Variants in PTPRM observed in about 807,000 individuals in gnomAD.
The protein encoded by PTPRM is protein tyrosine phosphatase receptor type M, also known as receptor-type tyrosine-protein phosphatase mu.
Under a neutral mutation model 186.7 loss-of-function variants are expected in PTPRM, and 47 were observed. The observed-to-expected ratio is 0.25, with a 90% confidence interval of 0.20 to 0.32. PTPRM has a LOEUF of 0.32. PTPRM is among the 10% of genes least tolerant of loss of function. PTPRM has a pLI of 1.00. For synonymous variants in PTPRM, 668 were observed against 674.9 expected, an observed-to-expected ratio of 0.99 and a Z score of 0.16; for missense variants, 1,494 against 1,865.0, an observed-to-expected ratio of 0.80 and a Z score of 3.66.
At chr18:8,320,974 T>C (rs2095342195) in intron 22 of PTPRM, among the ~76,000 whole-genome samples, 1 of 152,168 alleles carries the variant, frequency 6.6e-6, no homozygotes, top group African/African-American at 2.4e-5. Context: ...ACATATGGGA[T>C]AGAACAAGGA....
intron 1 of PTPRM, among the ~76,000 whole-genome samples, chr18:7,735,173 T>G (rs760762682): frequency 7.2e-5 from 11 of 152,262 alleles, no homozygotes; most frequent in Non-Finnish European, 1.2e-4. Context: ...TCTCAACACT[T>G]TGAGAGGCTG....
At chr18:7,844,790 A>G (rs866137224) in intron 2 of PTPRM, among the ~76,000 whole-genome samples, 26 of 152,054 alleles carry the variant, frequency 1.7e-4, no homozygotes, top group African/African-American at 6.3e-4. Flanking sequence ...CCAAAGGTCT[A>G]TTTTCATTGT....
intron 2 of PTPRM, among the ~76,000 whole-genome samples, chr18:7,781,638 A>G (rs746817952): frequency 4.2e-4 from 64 of 152,150 alleles, no homozygotes; most frequent in Non-Finnish European, 7.8e-4. Flanking sequence ...ATTGTCTATC[A>G]TTCGTTCCCA....
chr18:8,360,646 G>A (rs532292854), intron 23 of PTPRM, among the ~76,000 whole-genome samples: 1 of 152,336 alleles, frequency 6.6e-6, no homozygotes, highest in East Asian at 1.9e-4. Context: ...AAGAAGCACA[G>A]TCTGAAACAG....
intron 1 of PTPRM, 44 bp from the exon 2 acceptor site, chr18:7,774,105 G>T: frequency 1.3e-6 from 2 of 1,563,786 alleles, no homozygotes; most frequent in Non-Finnish European, 1.8e-6. Flanking sequence ...TATTCTAGAG[G>T]TCTGGTTGGT....
At chr18:7,720,714 A>C (rs1199227184) in intron 1 of PTPRM, among the ~76,000 whole-genome samples, 1 of 152,164 alleles carries the variant, frequency 6.6e-6, no homozygotes, top group Non-Finnish European at 1.5e-5. Context: ...ATCCCATATA[A>C]GGAGAATCAT....
At chr18:8,102,656 T>C (rs192985091) in intron 11 of PTPRM, among the ~76,000 whole-genome samples, 84 of 152,328 alleles carry the variant, frequency 5.5e-4, no homozygotes, top group African/African-American at 1.9e-3. Flanking sequence ...ACTTCTTCCA[T>C]TGAAGTGTTG....
chr18:8,141,332 G>A (rs2146091441), intron 13 of PTPRM, among the ~76,000 whole-genome samples: 1 of 152,338 alleles, frequency 6.6e-6, no homozygotes, highest in Non-Finnish European at 1.5e-5. Context: ...TAGCGTGGTT[G>A]CTACCGTCAT....
intron 23 of PTPRM, among the ~76,000 whole-genome samples, chr18:8,369,190 AAG>A (rs370741731): frequency 4.9e-4 from 74 of 152,310 alleles, no homozygotes; most frequent in African/African-American, 1.0e-3. Flanking sequence ...GTGCATAGAA[AAG>A]AGAGCTATAA....
At chr18:8,093,423 AT>A (rs1344877270) in intron 11 of PTPRM, among the ~76,000 whole-genome samples, 2 of 152,176 alleles carry the variant, frequency 1.3e-5, no homozygotes, top group Admixed American at 6.5e-5. Context: ...GTCCTCCAGC[AT>A]TTCCTTTTTT....
intron 9 of PTPRM, among the ~76,000 whole-genome samples, chr18:8,077,375 A>C (rs2089882322): frequency 1.3e-5 from 2 of 152,148 alleles, no homozygotes; most frequent in Admixed American, 6.6e-5. Context: ...TCAGACAGTG[A>C]TCACCAGTAA....
chr18:8,170,798 G>A (rs777507770), intron 14 of PTPRM, among the ~76,000 whole-genome samples: 4 of 152,226 alleles, frequency 2.6e-5, no homozygotes, highest in East Asian at 1.9e-4. Context: ...CATAGCTCCC[G>A]ATAGCCATCA....
chr18:8,108,797 G>A (rs1399165029), intron 11 of PTPRM, among the ~76,000 whole-genome samples: 1 of 152,122 alleles, frequency 6.6e-6, no homozygotes, highest in East Asian at 1.9e-4. Context: ...TCACAGTGTT[G>A]GCAGATTCAT....
At position 8,128,597 on chromosome 18, in the gene PTPRM, T is replaced by C. The variant is rs184128120; in HGVS notation, c.2167+13770T>C. 3.8e-3 allele frequency among the ~76,000 whole-genome samples: 585 copies of C among 152,240 alleles called. 2 individuals are homozygous for C. The highest frequency in any genetic ancestry group is 0.013 in the African/African-American group (557 of 41,544). ...GTTCTTTTATGTGTTATATTTGTCATTTTGCTGTGGCAGTTTCATCTATAA... is the reference window on the plus strand; with the variant it reads ...GTTCTTTTATGTGTTATATTTGTCACTTTGCTGTGGCAGTTTCATCTATAA... On this transcript the variant is annotated intron_variant, in intron 13 of 32. Coordinates refer to ENST00000580170, the MANE Select transcript of PTPRM (RefSeq NM_001105244.2).
intron 7 of PTPRM, among the ~76,000 whole-genome samples, chr18:7,971,154 C>A (rs370473883): frequency 1.7e-5 from 1 of 59,898 alleles, no homozygotes; most frequent in African/African-American, 8.3e-5. Flanking sequence ...GAAATAACGC[C>A]GCATACCTAC....
intron 9 of PTPRM, among the ~76,000 whole-genome samples, chr18:8,077,547 A>G (rs2089893209): frequency 6.6e-6 from 1 of 152,222 alleles, no homozygotes; most frequent in African/African-American, 2.4e-5. Context: ...TGGCTGCTTC[A>G]TTGTAAAAGA....
At chr18:7,918,789 C>A (rs4577174) in intron 4 of PTPRM, among the ~76,000 whole-genome samples, 2 of 152,176 alleles carry the variant, frequency 1.3e-5, no homozygotes, top group African/African-American at 2.4e-5. Context: ...TGTGTAGAAG[C>A]TTTTTAGCTT....
chr18:7,701,080 C>T (rs1318605307), intron 1 of PTPRM, among the ~76,000 whole-genome samples: 3 of 147,872 alleles, frequency 2.0e-5, no homozygotes, highest in African/African-American at 7.5e-5. Context: ...CCTAGGCGGG[C>T]GGATCATGAG....
chr18:7,892,669 C>T (rs1467609420), intron 3 of PTPRM, among the ~76,000 whole-genome samples: 1 of 152,192 alleles, frequency 6.6e-6, no homozygotes, highest in Admixed American at 6.5e-5. Flanking sequence ...TGCTGTGCTG[C>T]AGTAACAAAA....
Sources: gnomAD v4.1 joint callset for allele counts (sites outside exome capture counted in the v4.1 genomes callset) on GRCh38, gnomAD v4.1.1 for gene constraint, MANE v1.5 for transcripts, NCBI Gene and HGNC (gene_info 2026-07-23, HGNC 2026-07-21) for gene names.